BEST1: variants seen among roughly 807,000 people sequenced by gnomAD.
BEST1 encodes bestrophin 1.
In BEST1, 58 loss-of-function variants were observed where a neutral mutation model predicts 63.3. That is an observed-to-expected ratio of 0.92 (90% CI 0.74 to 1.14). The LOEUF is 1.14. BEST1 is among the 50% of genes most tolerant of loss of function. BEST1 has a pLI of 0.00. For missense variants in BEST1, 671 were observed against 740.1 expected (o/e 0.91, Z 1.08); for synonymous variants, 283 against 291.6 (o/e 0.97, Z 0.30).
At position 61,962,975 on chromosome 11, in the gene BEST1, C is replaced by G. The variant is rs756003732; in HGVS notation, c.1739+82C>G. 2 of 1,610,994 alleles carry G rather than the reference C, an allele frequency of 1.2e-6. No individual in the cohort carries two copies. The highest frequency in any genetic ancestry group is 2.7e-5 in the African/African-American group (2 of 74,864). ...CCCTTGCTCTGAGCCTACCCTTCCT[C>G]CACAATTTCCTAGGGTTCCATCACT... On this transcript the variant is annotated intron_variant, in intron 10 of 10. Transcript: ENST00000378043.
At chr11:61,955,267 G>A in intron 3 of BEST1, 66 bp downstream of exon 3, 2 of 1,612,416 alleles carry the variant, frequency 1.2e-6, no homozygotes, top group Non-Finnish European at 1.7e-6. Context: ...GGCCAGGGGA[G>A]GATCACGAGG....
downstream of BEST1, chr11:61,964,480 T>C (rs1382108298): frequency 1.6e-6 from 1 of 621,568 alleles, no homozygotes; most frequent in Admixed American, 2.9e-5. Context: ...ATTAGTGTGA[T>C]TAGAACTGAA....
Position 61,957,114 on chromosome 11 carries a change from G to A in BEST1, c.636+116G>A, listed in dbSNP as rs1315584452. 3.4e-6 allele frequency: 5 copies of A among 1,466,942 alleles called. No homozygotes were observed. In the African/African-American group the frequency reaches 4.2e-5, roughly 12 times the overall value. 90.9% of individuals were successfully genotyped at this position (1,466,942 alleles called of 1,614,324 possible). Reference sequence around the variant, plus strand: ...CCCTGAGGGTCTTCCGAGAGCCTGAGGTGGGGTTGCAGAATCTTTTCCAAC... The same window carrying A: ...CCCTGAGGGTCTTCCGAGAGCCTGAAGTGGGGTTGCAGAATCTTTTCCAAC... On this transcript the variant is annotated intron_variant, in intron 5 of 10. Coordinates refer to ENST00000378043, the MANE Select transcript of BEST1 (RefSeq NM_004183.4).
intron 3 of BEST1, chr11:61,955,464 G>A (rs1184469668): frequency 5.3e-5 from 69 of 1,295,942 alleles, no homozygotes; most frequent in South Asian, 3.3e-4. Flanking sequence ...TGGAGCCCCT[G>A]CGCGGGAGGG....
chr11:61,962,014 G>C (rs1001489113), intron 9 of BEST1: 1 of 573,436 alleles, frequency 1.7e-6, no homozygotes, highest in Non-Finnish European at 3.1e-6. Flanking sequence ...TGGTTGCGGG[G>C]GTTGGATGTT....
intron 5 of BEST1, 58 bp from the exon 6 acceptor site, chr11:61,957,329 G>A (rs981881962): frequency 7.3e-6 from 11 of 1,506,468 alleles, no homozygotes; most frequent in Admixed American, 5.0e-5. Context: ...AGGTGGGGGC[G>A]AGCCCAGGGT....
intron 7 of BEST1, 79 bp from the exon 8 acceptor site, chr11:61,959,419 C>A: frequency 1.4e-6 from 2 of 1,380,918 alleles, no homozygotes; most frequent in Non-Finnish European, 2.1e-6. Context: ...GTGGAAATAG[C>A]AGCAGCTGAG....
chr11:61,949,862 C>T (rs1000202955), upstream of BEST1: 7 of 152,312 alleles, frequency 4.6e-5, no homozygotes, highest in African/African-American at 9.7e-5. Flanking sequence ...GAAACCTACC[C>T]GGGGTCACCA....
chr11:61,958,526 C>T (rs1941651785), intron 7 of BEST1: 1 of 1,107,802 alleles, frequency 9.0e-7, no homozygotes, highest in Non-Finnish European at 1.3e-6. Context: ...TGCCACTGCA[C>T]TCCAGCCTGG....
At chr11:61,952,303 A>AAGAG (rs35510371) in intron 2 of BEST1, among the ~76,000 whole-genome samples, 18 of 147,210 alleles carry the variant, frequency 1.2e-4, no homozygotes, top group South Asian at 2.2e-4. Context: ...TACATTAAAA[A>AAGAG]AGAGAGAGAG....
chr11:61,962,593 C>G lies in BEST1; in HGVS notation c.1439C>G (p.Pro480Arg). ...CTCAGCCCCACTCCCATGTTCTTCC[C>G]CCTAGAACCATCAGCGCCGTCAAAG... ...TPLSPTPMFF[P>R]LEPSAPSKLH... is the part of the protein sequence containing the mutation. Residue 480 changes from proline to arginine, a missense_variant, in exon 10 of 11, where the codon CCC becomes CGC. Transcript: ENST00000378043. 6.2e-7 allele frequency: 1 copy of G among 1,614,178 alleles called. No individual in the cohort carries two copies. The highest frequency in any genetic ancestry group is 8.5e-7 in the Non-Finnish European group (1 of 1,180,022).
Position 61,962,341 on chromosome 11 carries a change from T to TA in BEST1, c.1187_1188insA (p.Gln397AlafsTer4). 1 of 1,614,206 alleles carries TA rather than the reference T, an allele frequency of 6.2e-7. No individual in the cohort carries two copies. Among genetic ancestry groups the TA allele is most frequent in the South Asian group, 1.1e-5 (1 of 91,078 alleles). The stretch of plus-strand genomic sequence containing the variant: ...GGCATCATTGGCCGCTTCCTAGGCC[T>TA]GCAGTCCCATGATCACCATCCTCCC... On this transcript the variant is annotated frameshift_variant, in exon 10 of 11. Transcript: ENST00000378043. LOFTEE classifies it high-confidence loss of function.
At chr11:61,963,197 G>C in intron 10 of BEST1, 6 of 1,432,246 alleles carry the variant, frequency 4.2e-6, no homozygotes, top group Non-Finnish European at 5.5e-6. Context: ...AGGGCTGACA[G>C]GCCAGGCTTA....
At chr11:61,958,523 G>A in intron 7 of BEST1, 1 of 1,126,762 alleles carries the variant, frequency 8.9e-7, no homozygotes, top group Non-Finnish European at 1.3e-6. Flanking sequence ...TCGTGCCACT[G>A]CACTCCAGCC....
downstream of BEST1, chr11:61,965,305 T>C (rs889790916): frequency 1.2e-6 from 2 of 1,609,018 alleles, no homozygotes; most frequent in African/African-American, 2.7e-5. Flanking sequence ...CTAGTTTAAG[T>C]GATTTCTGAT....
At chr11:61,951,071 T>A (rs1940605536) in intron 1 of BEST1, among the ~76,000 whole-genome samples, 1 of 152,176 alleles carries the variant, frequency 6.6e-6, no homozygotes, top group Non-Finnish European at 1.5e-5. Context: ...CCTTCCATAC[T>A]TCTCACACTA....
In BEST1 at chr11:61,958,140, T is replaced by TCCTCCTCCC. The variant is rs753675509; in HGVS notation, c.715-4_715-3insTCCTCCCCC. On this transcript the variant is annotated splice_polypyrimidine_tract_variant and splice_region_variant and intron_variant, in intron 6 of 10. Coordinates refer to ENST00000378043, the MANE Select transcript of BEST1 (RefSeq NM_004183.4). The stretch of plus-strand genomic sequence containing the variant: ...CTTTGCTACCACATCCTCCTCCTCC[T>TCCTCCTCCC]CCCAGGTGGTGACTGTGGCGGTGTA... 9 of 1,613,714 alleles carry TCCTCCTCCC rather than the reference T, an allele frequency of 5.6e-6. No homozygotes were observed. The highest frequency in any genetic ancestry group is 1.7e-5 in the Admixed American group (1 of 59,964).
At chr11:61,951,980 CG>C in intron 2 of BEST1, 22 bp downstream of exon 2, 4 of 1,612,234 alleles carry the variant, frequency 2.5e-6, no homozygotes, top group South Asian at 1.1e-5. Context: ...AGGGCTGGGC[CG>C]GGGGGCCTGG....
chr11:61,963,269 A>G lies in BEST1; in HGVS notation c.1739+376A>G, dbSNP rs528834136. ...GAGCAAGGGTGGCTGACCCAAAACC[A>G]TGAGGTGGCAGTCAGCTGGATGACA... On this transcript the variant is annotated intron_variant, in intron 10 of 10. Coordinates refer to ENST00000378043, the MANE Select transcript of BEST1 (RefSeq NM_004183.4). 2.9e-6 allele frequency: 4 copies of G among 1,370,488 alleles called. No individual in the cohort carries two copies. In the Admixed American group the frequency reaches 9.7e-5, roughly 33 times the overall value. The allele number at this position is 1,370,488 out of a possible 1,614,324, so 84.9% of individuals were successfully genotyped here.
Sources: gnomAD v4.1 joint callset for allele counts (sites outside exome capture counted in the v4.1 genomes callset) on GRCh38, gnomAD v4.1.1 for gene constraint, MANE v1.5 for transcripts, NCBI Gene and HGNC (gene_info 2026-07-23, HGNC 2026-07-21) for gene names.